Variants in PTPRD observed in about 807,000 individuals in gnomAD.
PTPRD encodes protein tyrosine phosphatase receptor type D, also known as receptor-type tyrosine-protein phosphatase delta.
A neutral mutation model predicts 214.5 loss-of-function variants in PTPRD; 34 were observed. The observed-to-expected ratio is 0.16, with a 90% CI of 0.12 to 0.21. The LOEUF is 0.21. Among genes scored for constraint, PTPRD ranks in the 10% least tolerant of loss-of-function variants. PTPRD has a pLI of 1.00. For synonymous variants in PTPRD, 1,128 were observed against 845.7 expected (o/e 1.33, Z -5.79); for missense variants, 2,545 against 2,398.7 (o/e 1.06, Z -1.27).
chr9:9,301,263 A>C (rs559363773), intron 9 of PTPRD, among the ~76,000 whole-genome samples: 1 of 152,026 alleles, frequency 6.6e-6, no homozygotes, highest in South Asian at 2.1e-4. Flanking sequence ...CAACATAATC[A>C]AGAGCTGTCA....
intron 2 of PTPRD, among the ~76,000 whole-genome samples, chr9:10,576,116 G>A (rs1347838131): frequency 2.0e-5 from 3 of 152,120 alleles, no homozygotes; most frequent in Non-Finnish European, 1.5e-5. Context: ...TTCTTCCCTT[G>A]CCTATGAATC....
chr9:9,261,285 G>C (rs942245799), intron 9 of PTPRD, among the ~76,000 whole-genome samples: 6 of 151,688 alleles, frequency 4.0e-5, no homozygotes, highest in African/African-American at 1.5e-4. Context: ...TTTTTAGAAT[G>C]TTTATTTTAT....
intron 12 of PTPRD, among the ~76,000 whole-genome samples, chr9:8,698,895 T>A (rs1247929586): frequency 6.6e-6 from 1 of 152,104 alleles, no homozygotes; most frequent in East Asian, 1.9e-4. Flanking sequence ...GGAGTGCTGA[T>A]AAACATCATC....
At chr9:8,634,179 T>C (rs1029086953) in intron 13 of PTPRD, among the ~76,000 whole-genome samples, 1 of 151,908 alleles carries the variant, frequency 6.6e-6, no homozygotes, top group African/African-American at 2.4e-5. Context: ...GGAACTCTTC[T>C]TGGAAACAGT....
At chr9:8,662,947 C>G (rs1037951481) in intron 12 of PTPRD, among the ~76,000 whole-genome samples, 2 of 152,018 alleles carry the variant, frequency 1.3e-5, no homozygotes, top group Non-Finnish European at 2.9e-5. Flanking sequence ...TAGAGACACA[C>G]CAGGGAAGGA....
intron 10 of PTPRD, among the ~76,000 whole-genome samples, chr9:9,135,283 T>C (rs908218415): frequency 2.0e-5 from 3 of 152,228 alleles, no homozygotes; most frequent in Admixed American, 2.0e-4. Flanking sequence ...ACTTTGTACA[T>C]AGTAGAAAAA....
chr9:8,496,185 C>A (rs1021782263), intron 26 of PTPRD, among the ~76,000 whole-genome samples: 1 of 145,218 alleles, frequency 6.9e-6, no homozygotes, highest in Non-Finnish European at 1.5e-5. Context: ...CACACACACA[C>A]ACACACACAC....
intron 2 of PTPRD, among the ~76,000 whole-genome samples, chr9:10,577,745 T>C (rs2069964973): frequency 6.6e-6 from 1 of 152,102 alleles, no homozygotes; most frequent in African/African-American, 2.4e-5. Flanking sequence ...CTTAAGATAT[T>C]TTATTGATTA....
intron 7 of PTPRD, among the ~76,000 whole-genome samples, chr9:9,727,675 T>C (rs2098118652): frequency 6.6e-6 from 1 of 152,188 alleles, no homozygotes; most frequent in Non-Finnish European, 1.5e-5. Context: ...TAATTTTTGC[T>C]TAATGCCAAA....
chr9:8,440,646 GTTAAGACTTT>G (rs376701718), intron 34 of PTPRD, among the ~76,000 whole-genome samples: 29 of 152,272 alleles, frequency 1.9e-4, no homozygotes, highest in African/African-American at 7.0e-4. Flanking sequence ...CATCAAATCT[GTTAAGACTTT>G]TTATTTTGAA....
chr9:8,925,364 C>G (rs2098869170), intron 11 of PTPRD, among the ~76,000 whole-genome samples: 1 of 152,056 alleles, frequency 6.6e-6, no homozygotes, highest in Non-Finnish European at 1.5e-5. Flanking sequence ...ACTATATAGT[C>G]TCCCAGGTTT....
chr9:9,519,109 C>T (rs955015555), intron 8 of PTPRD, among the ~76,000 whole-genome samples: 3 of 151,800 alleles, frequency 2.0e-5, no homozygotes, highest in Admixed American at 6.6e-5. Flanking sequence ...TAACCCATAA[C>T]TTAAAGAATA....
At chr9:8,454,015 G>T (rs1002558157) in intron 33 of PTPRD, among the ~76,000 whole-genome samples, 1 of 152,078 alleles carries the variant, frequency 6.6e-6, no homozygotes, top group African/African-American at 2.4e-5. Flanking sequence ...AAGCTAGAGG[G>T]TTAGTTTGGA....
chr9:9,325,465 G>A (rs1252027828), intron 9 of PTPRD, among the ~76,000 whole-genome samples: 1 of 152,102 alleles, frequency 6.6e-6, no homozygotes. Flanking sequence ...TTGTGAATGA[G>A]AGGTCACTCA....
chr9:8,679,518 T>C (rs1011981343), intron 12 of PTPRD, among the ~76,000 whole-genome samples: 1 of 152,220 alleles, frequency 6.6e-6, no homozygotes, highest in Non-Finnish European at 1.5e-5. Flanking sequence ...CAGGATGCAC[T>C]GTCAGACAGC....
chr9:8,595,651 T>C (rs1194750161), intron 14 of PTPRD, among the ~76,000 whole-genome samples: 1 of 152,224 alleles, frequency 6.6e-6, no homozygotes, highest in Non-Finnish European at 1.5e-5. Context: ...GTCTTAATGC[T>C]ATTCATGAAG....
At chr9:10,334,431 C>G (rs1370853900) in intron 3 of PTPRD, among the ~76,000 whole-genome samples, 1 of 151,418 alleles carries the variant, frequency 6.6e-6, no homozygotes. Flanking sequence ...TCCCACCCCC[C>G]ACCACCAAAA....
intron 5 of PTPRD, among the ~76,000 whole-genome samples, chr9:9,880,702 AT>A (rs2068398801): frequency 6.6e-6 from 1 of 152,100 alleles, no homozygotes; most frequent in Admixed American, 6.6e-5. Flanking sequence ...ATTACAATTC[AT>A]TTTTTGTAAC....
At chr9:9,726,455 A>T (rs889911012) in intron 7 of PTPRD, among the ~76,000 whole-genome samples, 2 of 103,108 alleles carry the variant, frequency 1.9e-5, no homozygotes, top group East Asian at 4.0e-4. Context: ...ATTCCCTTAA[A>T]GCCTGCCTAA....
Sources: gnomAD v4.1 joint callset for allele counts (sites outside exome capture counted in the v4.1 genomes callset) on GRCh38, gnomAD v4.1.1 for gene constraint, MANE v1.5 for transcripts, NCBI Gene and HGNC (gene_info 2026-07-23, HGNC 2026-07-21) for gene names.